Variants in PIBF1 observed in about 807,000 individuals in gnomAD.
The protein encoded by PIBF1 is progesterone immunomodulatory binding factor 1, also known as progesterone-induced-blocking factor 1.
PIBF1 carries 90 observed loss-of-function variants against 112.5 expected under a neutral mutation model. That is an observed-to-expected ratio of 0.80 (90% confidence interval 0.67 to 0.95). The LOEUF is 0.95. Ranked by LOEUF, PIBF1 falls within the 40% of genes least tolerant of loss-of-function variation. PIBF1 has a pLI of 0.00. For synonymous variants in PIBF1, 301 were observed against 288.6 expected (o/e 1.04, Z -0.44); for missense variants, 915 against 852.3 (o/e 1.07, Z -0.92).
chr13:72,943,433 A>T (rs1281502716), intron 14 of PIBF1, among the ~76,000 whole-genome samples: 6 of 152,232 alleles, frequency 3.9e-5, no homozygotes, highest in African/African-American at 1.2e-4. Context: ...TCACATATGC[A>T]TGTATCAAAA....
chr13:73,015,964 G>A lies in PIBF1; in HGVS notation c.*45G>A. 8.1e-7 allele frequency: 1 copy of A among 1,229,920 alleles called. No individual in the cohort carries two copies. The highest frequency in any genetic ancestry group is 1.1e-6 in the Non-Finnish European group (1 of 900,058). 76.2% of individuals were successfully genotyped at this position (1,229,920 alleles called of 1,614,324 possible). On this transcript the variant is annotated 3_prime_UTR_variant, in exon 18 of 18. Transcript: ENST00000326291. ...CTGTAGACCATTATATACTCCTGAA[G>A]TTCTTTTTCTGATGGAAAACAAAAT... is the stretch of plus-strand genomic sequence containing the variant.
intron 11 of PIBF1, 142 bp from the exon 12 acceptor site, chr13:72,908,389 C>T: frequency 5.1e-6 from 2 of 395,964 alleles, no homozygotes; most frequent in East Asian, 3.8e-5. Context: ...ATTTAATTTC[C>T]TCATTAGTCA....
chr13:72,938,760 T>A (rs1239215037), intron 14 of PIBF1, among the ~76,000 whole-genome samples: 1 of 152,244 alleles, frequency 6.6e-6, no homozygotes, highest in Non-Finnish European at 1.5e-5. Flanking sequence ...TTTTTCGTAG[T>A]GACTATGCCA....
At chr13:72,850,489 T>C (rs2038087837) in intron 9 of PIBF1, among the ~76,000 whole-genome samples, 1 of 152,232 alleles carries the variant, frequency 6.6e-6, no homozygotes, top group South Asian at 2.1e-4. Flanking sequence ...TAGGTTTTAT[T>C]TCATTCCCTT....
At chr13:72,870,007 G>A (rs2039096206) in intron 10 of PIBF1, among the ~76,000 whole-genome samples, 1 of 151,844 alleles carries the variant, frequency 6.6e-6, no homozygotes, top group Non-Finnish European at 1.5e-5. Flanking sequence ...TAATTTAATT[G>A]TATAAGCACT....
At chr13:72,811,608 A>AGAG (rs1555287756) in intron 5 of PIBF1, among the ~76,000 whole-genome samples, 3 of 139,652 alleles carry the variant, frequency 2.1e-5, no homozygotes, top group Non-Finnish European at 4.6e-5. Context: ...AAAAAAAAAA[A>AGAG]AGAGAGAGAA....
intron 6 of PIBF1, among the ~76,000 whole-genome samples, chr13:72,824,859 C>T (rs922171176): frequency 6.6e-6 from 1 of 152,194 alleles, no homozygotes; most frequent in Non-Finnish European, 1.5e-5. Context: ...TCACATACCT[C>T]AGTACATCTT....
At position 73,016,306 on chromosome 13, in the gene PIBF1, A is replaced by G. The variant is rs976143837; in HGVS notation, c.*387A>G. 1 of 152,494 alleles carries G rather than the reference A, an allele frequency of 6.6e-6. No individual in the cohort carries two copies. The highest frequency in any genetic ancestry group is 2.4e-5 in the African/African-American group (1 of 41,460). 9.4% of individuals were successfully genotyped at this position (152,494 alleles called of 1,614,324 possible). On this transcript the variant is annotated 3_prime_UTR_variant, in exon 18 of 18. Coordinates refer to ENST00000326291, the MANE Select transcript of PIBF1 (RefSeq NM_006346.4). ...TTAAGAATCATTTGTGAAGTCCACT[A>G]CGAGGTACTTCAAAAGCCCAGTAAT...
intron 14 of PIBF1, among the ~76,000 whole-genome samples, chr13:72,939,423 T>C (rs1247056023): frequency 6.6e-6 from 1 of 152,112 alleles, no homozygotes; most frequent in African/African-American, 2.4e-5. Flanking sequence ...GCCAAATCAC[T>C]TTATTTCTGT....
intron 14 of PIBF1, among the ~76,000 whole-genome samples, chr13:72,952,446 T>G (rs1435698833): frequency 6.6e-6 from 1 of 151,876 alleles, no homozygotes; most frequent in East Asian, 1.9e-4. Flanking sequence ...GTCTAGTATT[T>G]CAAATTATTT....
intron 12 of PIBF1, among the ~76,000 whole-genome samples, chr13:72,910,538 A>C (rs1287623420): frequency 6.6e-6 from 1 of 152,230 alleles, no homozygotes; most frequent in African/African-American, 2.4e-5. Flanking sequence ...AATTGTACTT[A>C]ATGGTGAAAT....
intron 12 of PIBF1, among the ~76,000 whole-genome samples, chr13:72,912,940 A>G (rs1217076368): frequency 6.6e-6 from 1 of 151,798 alleles, no homozygotes; most frequent in East Asian, 1.9e-4. Context: ...ATTATAGTAT[A>G]TAGTATGATT....
intron 10 of PIBF1, among the ~76,000 whole-genome samples, chr13:72,888,830 A>C (rs111616392): frequency 6.6e-6 from 1 of 151,798 alleles, no homozygotes. Context: ...TGTTTAAAAA[A>C]AAACAAACCT....
rs549677199 is a variant in PIBF1 at position 72,822,108 on chromosome 13, G to A, written c.806+126G>A. On this transcript the variant is annotated intron_variant, in intron 6 of 17. Coordinates refer to ENST00000326291, the MANE Select transcript of PIBF1 (RefSeq NM_006346.4). The stretch of plus-strand genomic sequence containing the variant: ...CTTATTCTTCTTTGCACAAATGCAT[G>A]CAGTTTTGGCAGTTTGTTGGGTTTA... 17 of 735,204 alleles carry A rather than the reference G, an allele frequency of 2.3e-5. No homozygotes were observed. In the African/African-American group the frequency reaches 2.6e-4, roughly 11 times the overall value. The allele number at this position is 735,204 out of a possible 1,614,324, so 45.5% of individuals were successfully genotyped here.
chr13:72,998,927 AAATCAAAGACTTTG>A lies in PIBF1; in HGVS notation c.2159_2172del (p.Ser720CysfsTer3). On this transcript the variant is annotated frameshift_variant, in exon 17 of 18. Transcript: ENST00000326291. LOFTEE classifies it high-confidence loss of function. ...ACCAAAACATGTGACAGAAAATCAG[AAATCAAAGACTTTG>A]AATGTGCCTAAAGAGCATGAAGACA... The A allele has an allele frequency of 6.2e-7, 1 of 1,612,450 alleles. No individual in the cohort carries two copies. Among genetic ancestry groups the A allele is most frequent in the Non-Finnish European group, 8.5e-7 (1 of 1,178,774 alleles).
intron 10 of PIBF1, among the ~76,000 whole-genome samples, chr13:72,872,799 TATAC>T (rs564397298): frequency 6.6e-6 from 1 of 152,130 alleles, no homozygotes; most frequent in Non-Finnish European, 1.5e-5. Flanking sequence ...ATGTTAGCGC[TATAC>T]ATTTAAAACT....
chr13:72,925,703 A>G (rs1339397387), intron 13 of PIBF1, among the ~76,000 whole-genome samples: 3 of 151,496 alleles, frequency 2.0e-5, no homozygotes, highest in Non-Finnish European at 4.4e-5. Context: ...CACCACACCC[A>G]GCTAATTTTT....
chr13:72,891,549 C>T (rs2040057981), intron 10 of PIBF1, among the ~76,000 whole-genome samples: 1 of 151,866 alleles, frequency 6.6e-6, no homozygotes, highest in Non-Finnish European at 1.5e-5. Context: ...AATCAAAAGG[C>T]AGACAATGAT....
intron 7 of PIBF1, 116 bp from the exon 8 acceptor site, chr13:72,827,617 T>A: frequency 1.6e-6 from 1 of 616,514 alleles, no homozygotes. Context: ...TAGCCCTTTT[T>A]AAAAGGAAAA....
Sources: allele counts gnomAD v4.1 joint callset (sites outside exome capture counted in the v4.1 genomes callset), GRCh38; gene constraint gnomAD v4.1.1; transcripts MANE v1.5; gene names NCBI Gene and HGNC (gene_info 2026-07-23, HGNC 2026-07-21).